Variants in MRPS28 observed in about 807,000 individuals in gnomAD.
The protein encoded by MRPS28 is mitochondrial ribosomal protein S28, also known as small ribosomal subunit protein bS1m.
MRPS28 carries 7 observed loss-of-function variants against 10.8 expected under a neutral mutation model. That is an observed-to-expected ratio of 0.65 (90% CI 0.37 to 1.22). MRPS28 has a LOEUF of 1.22. Among genes scored for constraint, MRPS28 ranks in the 50% most tolerant of loss-of-function variants. MRPS28 has a pLI of 0.02. For missense variants in MRPS28, 265 were observed against 232.9 expected (o/e 1.14, Z -0.90); for synonymous variants, 121 against 93.3 (o/e 1.30, Z -1.71).
At chr8:80,014,566 A>C (rs1025403347) in intron 1 of MRPS28, among the ~76,000 whole-genome samples, 3 of 152,208 alleles carry the variant, frequency 2.0e-5, no homozygotes, top group Admixed American at 6.5e-5. Context: ...AGGTCTGTGC[A>C]CTTAGAATCT....
At chr8:80,029,141 T>C (rs1809576282) in intron 1 of MRPS28, among the ~76,000 whole-genome samples, 1 of 152,248 alleles carries the variant, frequency 6.6e-6, no homozygotes, top group South Asian at 2.1e-4. Flanking sequence ...ACACATTTCC[T>C]GTGTTTTACG....
intron 2 of MRPS28, among the ~76,000 whole-genome samples, chr8:79,966,905 T>C (rs1258358247): frequency 6.6e-6 from 1 of 152,182 alleles, no homozygotes; most frequent in African/African-American, 2.4e-5. Context: ...TATAAATTGT[T>C]TGAGTCAGTT....
At chr8:80,010,209 A>G (rs1643317872) in intron 1 of MRPS28, among the ~76,000 whole-genome samples, 1 of 152,014 alleles carries the variant, frequency 6.6e-6, no homozygotes, top group Non-Finnish European at 1.5e-5. Flanking sequence ...TTGTGTATGG[A>G]GTGGTGTGTG....
rs765872451 is a variant in MRPS28, at chr8:79,919,011, G to A, written c.533C>T (p.Ser178Leu). ...TTCATGATGTTCTTCTTTCGATCTT[G>A]AGTCTTTACTCTCCTGGATTCCCAA... ...VLLGIQESKD[S>L]RSKEEHHEK is the part of the protein sequence containing the mutation. The change falls in exon 3 of 3, where the codon TCA (serine) becomes TTA (leucine). Residue 178 changes from serine to leucine, a missense_variant. By Grantham distance (145) the Ser-to-Leu change is moderately radical (BLOSUM62 -2). Transcript: ENST00000276585. 1 of 1,572,844 alleles carries A rather than the reference G, an allele frequency of 6.4e-7. No individual in the cohort carries two copies. Among genetic ancestry groups the A allele is most frequent in the East Asian group, 2.3e-5 (1 of 44,226 alleles).
chr8:79,956,224 AG>A (rs1197523086), intron 2 of MRPS28, among the ~76,000 whole-genome samples: 1 of 152,116 alleles, frequency 6.6e-6, no homozygotes, highest in East Asian at 1.9e-4. Context: ...GTTGTTCCTA[AG>A]ACAAGTTAAT....
chr8:79,923,776 A>C (rs1002328603), intron 2 of MRPS28, among the ~76,000 whole-genome samples: 1 of 152,176 alleles, frequency 6.6e-6, no homozygotes, highest in East Asian at 1.9e-4. Flanking sequence ...CTCAGCCTTT[A>C]CCAAGACTGC....
intron 2 of MRPS28, among the ~76,000 whole-genome samples, chr8:79,933,084 A>G (rs556416003): frequency 2.0e-5 from 3 of 152,308 alleles, no homozygotes; most frequent in Admixed American, 6.5e-5. Context: ...TTTCTACAAC[A>G]ATGTGTACTC....
At chr8:79,975,452 A>G (rs72683992) in intron 2 of MRPS28, among the ~76,000 whole-genome samples, 1 of 152,228 alleles carries the variant, frequency 6.6e-6, no homozygotes, top group African/African-American at 2.4e-5. Context: ...AATGAATTAC[A>G]TAATACAAAA....
chr8:80,008,436 A>G (rs954152458), intron 1 of MRPS28, among the ~76,000 whole-genome samples: 10 of 152,218 alleles, frequency 6.6e-5, no homozygotes, highest in African/African-American at 2.4e-4. Flanking sequence ...ATCTAATTAA[A>G]CTAAAGAGCT....
intron 2 of MRPS28, among the ~76,000 whole-genome samples, chr8:79,919,594 AAATT>A (rs1387584946): frequency 6.6e-6 from 1 of 152,068 alleles, no homozygotes; most frequent in Non-Finnish European, 1.5e-5. Flanking sequence ...TTGGCCTCCT[AAATT>A]TTGGGGATAA....
chr8:79,970,091 T>C (rs566703519), intron 2 of MRPS28, among the ~76,000 whole-genome samples: 5 of 152,340 alleles, frequency 3.3e-5, no homozygotes, highest in East Asian at 3.9e-4. Flanking sequence ...AGTTCCATGA[T>C]ACTTTGTATA....
intron 2 of MRPS28, among the ~76,000 whole-genome samples, chr8:79,977,331 AAAT>A (rs1807828751): frequency 6.6e-6 from 1 of 152,168 alleles, no homozygotes; most frequent in Non-Finnish European, 1.5e-5. Flanking sequence ...TGAAACCAAA[AAAT>A]AATAATAACA....
At chr8:79,951,893 C>T (rs925641594) in intron 2 of MRPS28, among the ~76,000 whole-genome samples, 6 of 152,172 alleles carry the variant, frequency 3.9e-5, no homozygotes, top group East Asian at 3.8e-4. Context: ...GGAGGATCCA[C>T]GGTTTTTATC....
intron 2 of MRPS28, among the ~76,000 whole-genome samples, chr8:80,002,306 A>C (rs114406863): frequency 0.015 from 2,270 of 152,320 alleles, 64 homozygotes; most frequent in African/African-American, 0.052. Flanking sequence ...TTAAAAAAAA[A>C]CACTGCCAGT....
intron 1 of MRPS28, among the ~76,000 whole-genome samples, chr8:80,019,343 T>C (rs1809294257): frequency 6.9e-6 from 1 of 143,886 alleles, no homozygotes; most frequent in African/African-American, 2.6e-5. Flanking sequence ...CCACAAAAAT[T>C]AAAAATAGAA....
Position 80,001,269 on chromosome 8 carries a change from C to A in MRPS28, c.395+1730G>T, listed in dbSNP as rs141572454. On this transcript the variant is annotated intron_variant, in intron 2 of 2. Transcript: ENST00000276585. ...GATTTCTTTGTGTAAAATAAAAGAG[C>A]ACTTTATTTTATAATTACTATATAT... Among the ~76,000 whole-genome samples the A allele has an allele frequency of 3.1e-3, 473 of 152,256 alleles. 1 individual carries two copies. The highest frequency in any genetic ancestry group is 0.011 in the African/African-American group (458 of 41,532).
At chr8:79,990,429 T>TA (rs1808328630) in intron 2 of MRPS28, among the ~76,000 whole-genome samples, 2 of 152,086 alleles carry the variant, frequency 1.3e-5, no homozygotes, top group South Asian at 4.1e-4. Context: ...GGTCTTATGG[T>TA]ATCCACTCCA....
intron 2 of MRPS28, among the ~76,000 whole-genome samples, chr8:79,990,393 G>A (rs1808327180): frequency 6.6e-6 from 1 of 151,886 alleles, no homozygotes; most frequent in Admixed American, 6.6e-5. Context: ...ATCACCTCTT[G>A]TCTGGATTAC....
In MRPS28 at chr8:80,030,183, G is replaced by A. The variant is rs143242971; in HGVS notation, c.66C>T (p.Phe22=). The change falls in exon 1 of 3, where the codon TTC becomes TTT. Residue 22 remains phenylalanine (F), a synonymous_variant. Coordinates refer to ENST00000276585, the MANE Select transcript of MRPS28 (RefSeq NM_014018.3). ...AESHFLRVFL[F]FRPFRGVGTE... ...TGCCTACACCCCGAAAGGGCCTGAA[G>A]AAGAGAAACACTCGCAGAAAATGGC... 12 of 1,614,230 alleles carry A rather than the reference G, an allele frequency of 7.4e-6. No homozygotes were observed. In the East Asian group the frequency reaches 2.7e-4, roughly 36 times the overall value.
Sources: gnomAD v4.1 joint callset for allele counts (sites outside exome capture counted in the v4.1 genomes callset) on GRCh38, gnomAD v4.1.1 for gene constraint, MANE v1.5 for transcripts, NCBI Gene and HGNC (gene_info 2026-07-23, HGNC 2026-07-21) for gene names.